EFNB2: variants seen among roughly 807,000 people sequenced by gnomAD.
The protein encoded by EFNB2 is ephrin B2.
Under a neutral mutation model 32.1 loss-of-function variants are expected in EFNB2, and 5 were observed. The ratio of observed to expected loss-of-function variants is 0.16; its 90% CI spans 0.08 to 0.33. The LOEUF is 0.33. EFNB2 is among the 10% of genes least tolerant of loss of function. The pLI is 1.00. For missense variants in EFNB2, 263 were observed against 422.6 expected, an observed-to-expected ratio of 0.62 and a Z score of 3.31; for synonymous variants, 168 against 166.5, an observed-to-expected ratio of 1.01 and a Z score of -0.07.
Position 106,512,393 on chromosome 13 carries a change from G to GGT in EFNB2, c.406+135_406+136insAC, listed in dbSNP as rs1426319295. ...TGAAGTTTTCTTTGAAAAAAAAAAAGGGGGGGGGGACAATTTTTCCACATA... is the reference window on the plus strand; with the variant it reads ...TGAAGTTTTCTTTGAAAAAAAAAAAGGTGGGGGGGGGACAATTTTTCCACATA... On this transcript the variant is annotated intron_variant, in intron 2 of 4. Transcript: ENST00000646441. The GGT allele has an allele frequency of 2.6e-4, 83 of 317,752 alleles. 1 individual carries two copies. In the African/African-American group the frequency reaches 3.4e-3, roughly 13 times the overall value. The allele number at this position is 317,752 out of a possible 1,614,324, so 19.7% of individuals were successfully genotyped here.
In EFNB2 at chr13:106,490,151, A is replaced by G. The variant is rs56077446; in HGVS notation, c.*2889T>C. ...TCTTGCTTAGACTTTATAAAAAACC[A>G]ACATTGCTCTATGTACACAATCTGG... is the stretch of plus-strand genomic sequence containing the variant. On this transcript the variant is annotated 3_prime_UTR_variant, in exon 5 of 5. Transcript: ENST00000646441. The G allele has an allele frequency of 0.056, 8,564 of 152,736 alleles. 323 individuals carry two copies. The highest frequency in any genetic ancestry group is 0.11 in the South Asian group (513 of 4,830). 9.5% of individuals were successfully genotyped at this position (152,736 alleles called of 1,614,324 possible).
chr13:106,512,430 A>C, intron 2 of EFNB2, 99 bp downstream of exon 2: 1 of 896,458 alleles, frequency 1.1e-6, no homozygotes, highest in Non-Finnish European at 1.5e-6. Flanking sequence ...ATTTTCATCA[A>C]ATTATTTGTC....
intron 2 of EFNB2, among the ~76,000 whole-genome samples, chr13:106,502,397 G>C (rs987481167): frequency 6.6e-6 from 1 of 152,164 alleles, no homozygotes; most frequent in African/African-American, 2.4e-5. Context: ...AAATATTCAT[G>C]ATGAACAATA....
chr13:106,525,188 G>T (rs1566463129), intron 1 of EFNB2, among the ~76,000 whole-genome samples: 1 of 152,054 alleles, frequency 6.6e-6, no homozygotes, highest in Non-Finnish European at 1.5e-5. Context: ...TTATGTTATT[G>T]TCCCTATTAT....
At chr13:106,494,484 G>T (rs1394842728) in intron 4 of EFNB2, among the ~76,000 whole-genome samples, 1 of 152,176 alleles carries the variant, frequency 6.6e-6, no homozygotes, top group Non-Finnish European at 1.5e-5. Context: ...AAATTTAGAA[G>T]AGGATCAATT....
At chr13:106,501,887 C>T (rs571414216) in intron 2 of EFNB2, among the ~76,000 whole-genome samples, 17 of 152,228 alleles carry the variant, frequency 1.1e-4, no homozygotes, top group African/African-American at 2.4e-4. Context: ...CCACCGCGCC[C>T]GGCCCAGAAT....
At chr13:106,508,217 G>A (rs1275580136) in intron 2 of EFNB2, among the ~76,000 whole-genome samples, 1 of 152,136 alleles carries the variant, frequency 6.6e-6, no homozygotes, top group Non-Finnish European at 1.5e-5. Flanking sequence ...ATGCTGCAAA[G>A]AAAACTCTAC....
intron 1 of EFNB2, among the ~76,000 whole-genome samples, chr13:106,531,472 G>T (rs764420664): frequency 6.6e-6 from 1 of 152,150 alleles, no homozygotes; most frequent in Non-Finnish European, 1.5e-5. Flanking sequence ...TAACCCAAAC[G>T]CAAACTGTGG....
At chr13:106,513,752 A>C (rs1696261068) in intron 1 of EFNB2, among the ~76,000 whole-genome samples, 1 of 36,926 alleles carries the variant, frequency 2.7e-5, no homozygotes, top group Admixed American at 2.3e-4. Flanking sequence ...CACACTTAGA[A>C]ATCTCAGCTC....
intron 1 of EFNB2, among the ~76,000 whole-genome samples, chr13:106,524,745 C>T (rs928291990): frequency 1.3e-5 from 2 of 152,170 alleles, no homozygotes; most frequent in Non-Finnish European, 2.9e-5. Context: ...TTCAAAGAGC[C>T]TCCTCTCAGT....
intron 1 of EFNB2, among the ~76,000 whole-genome samples, chr13:106,527,142 G>C (rs1879726469): frequency 6.6e-6 from 1 of 152,122 alleles, no homozygotes; most frequent in Non-Finnish European, 1.5e-5. Flanking sequence ...AGAAAACATG[G>C]ATAAGGCCGC....
intron 1 of EFNB2, among the ~76,000 whole-genome samples, chr13:106,524,444 C>T (rs1037266316): frequency 5.3e-5 from 8 of 152,172 alleles, no homozygotes; most frequent in African/African-American, 1.7e-4. Context: ...ACCAATTTGG[C>T]CACAGTCTCC....
chr13:106,493,274 G>T lies in EFNB2; in HGVS notation c.768C>A (p.His256Gln). The T allele has an allele frequency of 1.9e-6, 3 of 1,614,196 alleles. No homozygotes were observed. Among genetic ancestry groups the T allele is most frequent in the Non-Finnish European group, 2.5e-6 (3 of 1,180,050 alleles). Residue 256 changes from histidine (H) to glutamine (Q), a missense_variant, in exon 5 of 5, where the codon CAC (histidine) becomes CAA (glutamine). Transcript: ENST00000646441. This position sits in a 1 kb window ranked among gnomAD's most constrained non-coding sequence, Gnocchi z 6.1. Reference protein sequence around the residue: ...VVLLLKYRRRHRKHSPQHTTT... With the variant: ...VVLLLKYRRRQRKHSPQHTTT... ...TCGTGTGCTGCGGCGAGTGCTTCCT[G>T]TGTCTCCTCCGGTACTTCAGCAAGA...
At chr13:106,497,704 C>T (rs1221025560) in intron 2 of EFNB2, among the ~76,000 whole-genome samples, 5 of 152,164 alleles carry the variant, frequency 3.3e-5, no homozygotes, top group Admixed American at 1.3e-4. Flanking sequence ...CCCCACCTCA[C>T]GACAGGCCCC....
At chr13:106,524,616 A>C (rs1879638930) in intron 1 of EFNB2, among the ~76,000 whole-genome samples, 1 of 152,222 alleles carries the variant, frequency 6.6e-6, no homozygotes, top group Admixed American at 6.5e-5. Flanking sequence ...CAGTTTTCTA[A>C]ATATCATGTA....
intron 1 of EFNB2, among the ~76,000 whole-genome samples, chr13:106,526,337 G>T (rs1468071605): frequency 6.6e-6 from 1 of 152,216 alleles, no homozygotes; most frequent in Non-Finnish European, 1.5e-5. Context: ...AGGGACTGAT[G>T]AAATGAAGAA....
In EFNB2 at chr13:106,492,923, T is replaced by C. The variant is rs2138895162; in HGVS notation, c.*117A>G. On this transcript the variant is annotated 3_prime_UTR_variant, in exon 5 of 5. Transcript: ENST00000646441. The surrounding 1 kb of genome is among the most constrained non-coding windows in gnomAD (Gnocchi z 5.1). ...GGGCTCTTCCGAGGAGGAGTGTCCCTCTCCCCCGGTGCTGTGCTTCAGTCA... is the reference window on the plus strand; with the variant it reads ...GGGCTCTTCCGAGGAGGAGTGTCCCCCTCCCCCGGTGCTGTGCTTCAGTCA... The C allele has an allele frequency of 1.5e-6, 2 of 1,356,332 alleles. No homozygotes were observed. The highest frequency in any genetic ancestry group is 2.0e-6 in the Non-Finnish European group (2 of 1,002,888). 84.0% of individuals were successfully genotyped at this position (1,356,332 alleles called of 1,614,324 possible). A position where few individuals can be genotyped will look rare whatever the true frequency, so the allele number is the denominator to read the frequency against.
intron 2 of EFNB2, chr13:106,506,145 C>T (rs750165270): frequency 4.6e-5 from 7 of 152,212 alleles, no homozygotes; most frequent in Non-Finnish European, 7.3e-5. Context: ...AAGGAGTTCA[C>T]ATGATGTTCA....
At chr13:106,504,405 T>A (rs1301555609) in intron 2 of EFNB2, among the ~76,000 whole-genome samples, 2 of 152,124 alleles carry the variant, frequency 1.3e-5, no homozygotes, top group Non-Finnish European at 2.9e-5. Context: ...GTCACTCTCA[T>A]GGACACACAC....
Sources: allele counts gnomAD v4.1 joint callset (sites outside exome capture counted in the v4.1 genomes callset), GRCh38; gene constraint gnomAD v4.1.1; non-coding constraint Gnocchi (gnomAD v3.1); transcripts MANE v1.5; gene names NCBI Gene and HGNC (gene_info 2026-07-23, HGNC 2026-07-21).